Variants in PACRG observed in about 807,000 individuals in gnomAD.
PACRG encodes parkin coregulated gene protein.
PACRG carries 29 observed loss-of-function variants against 29.7 expected under a neutral mutation model. That is an observed-to-expected ratio of 0.98 (90% CI 0.73 to 1.33). PACRG has a LOEUF of 1.33. Among genes scored for constraint, PACRG ranks in the 40% most tolerant of loss-of-function variants. PACRG has a pLI of 0.00. For synonymous variants in PACRG, 116 were observed against 118.7 expected, an observed-to-expected ratio of 0.98 and a Z score of 0.15; for missense variants, 279 against 316.2, an observed-to-expected ratio of 0.88 and a Z score of 0.89.
In PACRG at chr6:163,055,667, T is replaced by C. The variant is rs908737421; in HGVS notation, c.292-6483T>C. On this transcript the variant is annotated intron_variant, in intron 2 of 4. Transcript: ENST00000366888. This position sits in a 1 kb window ranked among gnomAD's most constrained non-coding sequence, Gnocchi z 4.0. Reference sequence around the variant, plus strand: ...TATTTGTTTTTTATTGTTTTATTTTTTCTTTGGCATTTTTATCATTGTAAA... The same window carrying C: ...TATTTGTTTTTTATTGTTTTATTTTCTCTTTGGCATTTTTATCATTGTAAA... Among the ~76,000 whole-genome samples the C allele has an allele frequency of 1.3e-5, 2 of 152,208 alleles. No homozygotes were observed. The highest frequency in any genetic ancestry group is 4.8e-5 in the African/African-American group (2 of 41,452).
At chr6:162,738,943 G>A (rs2128257241) in intron 1 of PACRG, among the ~76,000 whole-genome samples, 1 of 152,190 alleles carries the variant, frequency 6.6e-6, no homozygotes, top group African/African-American at 2.4e-5. Context: ...CATACTGAGG[G>A]TCCGTTAGGT....
At chr6:163,079,004 G>T (rs1220409187) in intron 3 of PACRG, among the ~76,000 whole-genome samples, 1 of 152,142 alleles carries the variant, frequency 6.6e-6, no homozygotes, top group African/African-American at 2.4e-5. Context: ...TGAGCATGCT[G>T]AGTGCAGACC....
intron 2 of PACRG, among the ~76,000 whole-genome samples, chr6:162,903,628 G>A (rs1795725104): frequency 1.3e-5 from 2 of 152,174 alleles, no homozygotes; most frequent in African/African-American, 2.4e-5. Flanking sequence ...CCATGAGTCA[G>A]TTATCTCCCA....
At chr6:162,740,554 G>A (rs531330999) in intron 1 of PACRG, among the ~76,000 whole-genome samples, 9 of 149,162 alleles carry the variant, frequency 6.0e-5, no homozygotes, top group East Asian at 2.0e-4. Context: ...CTGACCTCGC[G>A]ATCCACCTGC....
chr6:163,130,246 G>C (rs1198005238), intron 4 of PACRG, among the ~76,000 whole-genome samples: 1 of 152,170 alleles, frequency 6.6e-6, no homozygotes, highest in Admixed American at 6.5e-5. Flanking sequence ...GGGGGTGGAG[G>C]ATGCTGAACA....
intron 2 of PACRG, among the ~76,000 whole-genome samples, chr6:163,058,560 G>A (rs1585114468): frequency 1.3e-5 from 2 of 151,782 alleles, no homozygotes; most frequent in Non-Finnish European, 1.5e-5. Context: ...ATCACCTAAG[G>A]CCAGGTGATC....
intron 4 of PACRG, among the ~76,000 whole-genome samples, chr6:163,242,197 A>G (rs1035929859): frequency 1.3e-5 from 2 of 152,230 alleles, no homozygotes; most frequent in Admixed American, 6.5e-5. Flanking sequence ...CTCTTGCCCT[A>G]TGGACCTACT....
chr6:163,268,171 C>T (rs763295308), intron 4 of PACRG, among the ~76,000 whole-genome samples: 7 of 152,128 alleles, frequency 4.6e-5, no homozygotes, highest in East Asian at 1.9e-4. Context: ...GAGGCCGAGG[C>T]GGGTGGATCA....
chr6:163,056,926 A>G (rs1264577662), intron 2 of PACRG, among the ~76,000 whole-genome samples: 1 of 152,186 alleles, frequency 6.6e-6, no homozygotes, highest in African/African-American at 2.4e-5. Flanking sequence ...TGCTTTGGCA[A>G]TGGAAAATAG....
At chr6:162,804,414 G>T (rs1452490968) in intron 1 of PACRG, among the ~76,000 whole-genome samples, 4 of 152,138 alleles carry the variant, frequency 2.6e-5, no homozygotes, top group South Asian at 4.1e-4. Context: ...AGAGATTGGG[G>T]GTTAAAGTCT....
intron 1 of PACRG, among the ~76,000 whole-genome samples, chr6:162,793,576 G>A (rs1235117069): frequency 6.6e-6 from 1 of 152,146 alleles, no homozygotes; most frequent in Non-Finnish European, 1.5e-5. Context: ...TGGACAAGAA[G>A]AAGGAAGAAA....
chr6:163,012,515 G>A (rs1468722087), intron 2 of PACRG, among the ~76,000 whole-genome samples: 1 of 152,232 alleles, frequency 6.6e-6, no homozygotes, highest in Non-Finnish European at 1.5e-5. Flanking sequence ...TTAAACAACA[G>A]ATCTGAATCT....
At chr6:163,179,394 TAAAAAAA>T in intron 4 of PACRG, 1 of 216,184 alleles carries the variant, frequency 4.6e-6, no homozygotes, top group South Asian at 5.1e-5. Context: ...TTCTTTAAAT[TAAAAAAA>T]AAAAAAAAAA....
At chr6:163,191,861 C>A (rs904419578) in intron 4 of PACRG, 41 of 425,304 alleles carry the variant, frequency 9.6e-5, no homozygotes, top group Non-Finnish European at 1.8e-4. Flanking sequence ...GAAAGCCACA[C>A]CCCGCCTGGT....
At chr6:162,882,790 C>G (rs771399193) in intron 2 of PACRG, among the ~76,000 whole-genome samples, 18 of 152,334 alleles carry the variant, frequency 1.2e-4, no homozygotes, top group Non-Finnish European at 2.5e-4. Context: ...GTCCAGGAAG[C>G]CTTTTCTGAC....
chr6:163,285,268 C>G (rs151253098), intron 4 of PACRG, among the ~76,000 whole-genome samples: 2,719 of 152,158 alleles, frequency 0.018, 75 homozygotes, highest in Admixed American at 0.077. Flanking sequence ...TTGCGCAAAC[C>G]CTTCTCTTTG....
chr6:163,125,685 T>C (rs1483859320), intron 4 of PACRG, among the ~76,000 whole-genome samples: 1 of 152,194 alleles, frequency 6.6e-6, no homozygotes, highest in African/African-American at 2.4e-5. Context: ...TTTATGAAAT[T>C]CCAAGGAAAT....
chr6:162,951,686 G>T (rs919621928), intron 2 of PACRG, among the ~76,000 whole-genome samples: 1 of 152,162 alleles, frequency 6.6e-6, no homozygotes, highest in African/African-American at 2.4e-5. Flanking sequence ...TCAGCTGGGG[G>T]CATACTTTAA....
chr6:163,074,931 T>TTAC (rs1812407005), intron 3 of PACRG, among the ~76,000 whole-genome samples: 1 of 152,068 alleles, frequency 6.6e-6, no homozygotes. Flanking sequence ...GAGCTCAGTG[T>TTAC]TACAGTGGGC....
Sources: gnomAD v4.1 joint callset for allele counts (sites outside exome capture counted in the v4.1 genomes callset) on GRCh38, gnomAD v4.1.1 for gene constraint, Gnocchi (gnomAD v3.1) non-coding constraint, MANE v1.5 for transcripts, NCBI Gene and HGNC (gene_info 2026-07-23, HGNC 2026-07-21) for gene names.